The following CTNNA1 variants were observed in gnomAD, a reference collection of about 807,000 sequenced individuals.
CTNNA1 encodes the protein catenin alpha-1.
Under a neutral mutation model 98.4 loss-of-function variants are expected in CTNNA1, and 37 were observed. The ratio of observed to expected loss-of-function variants is 0.38; its 90% CI spans 0.29 to 0.49. CTNNA1 has a LOEUF of 0.49. Among genes scored for constraint, CTNNA1 ranks in the 20% least tolerant of loss-of-function variants. The probability of loss-of-function intolerance (pLI) is 0.95; values close to 1 mark genes in which losing one functional copy is unlikely to be tolerated. For synonymous variants in CTNNA1, 404 were observed against 413.2 expected, an observed-to-expected ratio of 0.98 and a Z score of 0.27; for missense variants, 761 against 1,147.2, an observed-to-expected ratio of 0.66 and a Z score of 4.86.
chr5:138,822,125 C>T (rs774064709), intron 5 of CTNNA1, among the ~76,000 whole-genome samples: 25 of 152,140 alleles, frequency 1.6e-4, no homozygotes, highest in Admixed American at 4.6e-4. Context: ...ATCAGAGATA[C>T]ACTGTGATAA....
rs140074577 is a variant in CTNNA1, at chr5:138,783,075, T to C, written c.106-102T>C. ...TTGTATGTTAATGTTCAGTGGAATCTCATGTGATTTTTTAAAAGAATAACT... is the reference window on the plus strand; with the variant it reads ...TTGTATGTTAATGTTCAGTGGAATCCCATGTGATTTTTTAAAAGAATAACT... On this transcript the variant is annotated intron_variant, in intron 2 of 17. Transcript: ENST00000302763. 3.3e-5 allele frequency: 28 copies of C among 860,430 alleles called. No individual in the cohort carries two copies. The African/African-American group carries it at 4.4e-4, about 14-fold the overall frequency. 53.3% of individuals were successfully genotyped at this position (860,430 alleles called of 1,614,324 possible).
chr5:138,772,132 C>T (rs143743811), intron 1 of CTNNA1, among the ~76,000 whole-genome samples: 67 of 152,300 alleles, frequency 4.4e-4, no homozygotes, highest in African/African-American at 1.6e-3. Context: ...TCTGATAGAA[C>T]TATGCTTTTA....
intron 9 of CTNNA1, among the ~76,000 whole-genome samples, chr5:138,897,280 A>G (rs1310250987): frequency 9.8e-5 from 11 of 111,710 alleles, no homozygotes; most frequent in African/African-American, 3.9e-4. Flanking sequence ...GCTGTTACCT[A>G]TACCTCACAC....
intron 1 of CTNNA1, among the ~76,000 whole-genome samples, chr5:138,756,085 C>T (rs1441539844): frequency 2.6e-5 from 4 of 151,668 alleles, no homozygotes; most frequent in African/African-American, 9.7e-5. Context: ...GTCTCCCAGG[C>T]TGGAGTGCAG....
intron 3 of CTNNA1, among the ~76,000 whole-genome samples, chr5:138,792,645 G>A (rs968375805): frequency 6.6e-6 from 1 of 152,182 alleles, no homozygotes; most frequent in East Asian, 1.9e-4. Flanking sequence ...GATCTGGTTA[G>A]TGTGGTTTTA....
chr5:138,791,557 C>T (rs1168566613), intron 3 of CTNNA1, among the ~76,000 whole-genome samples: 3 of 121,364 alleles, frequency 2.5e-5, no homozygotes, highest in African/African-American at 9.5e-5. Context: ...GCAGAGGTTG[C>T]AGTGAGCTGA....
intron 4 of CTNNA1, among the ~76,000 whole-genome samples, chr5:138,811,040 C>G (rs1295236783): frequency 6.7e-6 from 1 of 150,280 alleles, no homozygotes; most frequent in East Asian, 2.0e-4. Flanking sequence ...CCCTCCCGGA[C>G]GGGGTGGCTG....
intron 7 of CTNNA1, among the ~76,000 whole-genome samples, chr5:138,859,549 T>C (rs1764069228): frequency 6.6e-6 from 1 of 152,246 alleles, no homozygotes; most frequent in South Asian, 2.1e-4. Context: ...TTAATTGTTC[T>C]GCATCCCCCA....
chr5:138,911,445 A>T (rs1031038755), intron 10 of CTNNA1, among the ~76,000 whole-genome samples: 1 of 151,054 alleles, frequency 6.6e-6, no homozygotes, highest in Non-Finnish European at 1.5e-5. Context: ...ATTATCCTAG[A>T]TTATCCCAGT....
intron 1 of CTNNA1, among the ~76,000 whole-genome samples, chr5:138,776,036 TTTC>T (rs1356903595): frequency 5.0e-5 from 6 of 118,848 alleles, no homozygotes; most frequent in Non-Finnish European, 1.0e-4. Context: ...TCTGGAAATG[TTTC>T]TTTTTTTTTT....
At chr5:138,854,349 A>C (rs1485953094) in intron 7 of CTNNA1, among the ~76,000 whole-genome samples, 1 of 152,212 alleles carries the variant, frequency 6.6e-6, no homozygotes, top group African/African-American at 2.4e-5. Context: ...TTGACAAGAA[A>C]TGAGCTAAAT....
At chr5:138,931,069 C>A in intron 16 of CTNNA1, 134 bp downstream of exon 16, 2 of 650,192 alleles carry the variant, frequency 3.1e-6, no homozygotes, top group Non-Finnish European at 5.7e-6. Flanking sequence ...TCTTATTAAT[C>A]CCAGCATAGA....
chr5:138,932,844 C>T, intron 17 of CTNNA1, 132 bp downstream of exon 17: 1 of 1,166,066 alleles, frequency 8.6e-7, no homozygotes, highest in Non-Finnish European at 1.3e-6. Flanking sequence ...AGTCCTGTCC[C>T]AGTCTCTGGA....
In CTNNA1 at chr5:138,812,336, T is replaced by C. The variant is rs368565822; in HGVS notation, c.588+34T>C. On this transcript the variant is annotated intron_variant, in intron 5 of 17. Transcript: ENST00000302763. ...ATGATTTGGGGATATATTAAAGTTG[T>C]TCATTTTACTATCTAGAGGGAAAAA... The C allele has an allele frequency of 5.0e-6, 8 of 1,594,968 alleles. No individual in the cohort carries two copies. In the African/African-American group the frequency reaches 8.1e-5, roughly 16 times the overall value.
chr5:138,792,437 G>C (rs1246134450), intron 3 of CTNNA1, among the ~76,000 whole-genome samples: 3 of 152,154 alleles, frequency 2.0e-5, no homozygotes, highest in Non-Finnish European at 4.4e-5. Context: ...ACTATAGGCA[G>C]CCTGGAAGAT....
At chr5:138,843,176 T>A (rs1429892427) in intron 7 of CTNNA1, among the ~76,000 whole-genome samples, 1 of 152,160 alleles carries the variant, frequency 6.6e-6, no homozygotes, top group East Asian at 1.9e-4. Flanking sequence ...TTAAAAACAT[T>A]CCAGCAGAAA....
intron 7 of CTNNA1, among the ~76,000 whole-genome samples, chr5:138,884,001 C>G (rs1753497707): frequency 6.6e-6 from 1 of 152,192 alleles, no homozygotes; most frequent in Admixed American, 6.5e-5. Context: ...AATAAATATT[C>G]TAGGGCCCAA....
At chr5:138,884,179 G>C (rs1753537653) in intron 7 of CTNNA1, among the ~76,000 whole-genome samples, 1 of 152,170 alleles carries the variant, frequency 6.6e-6, no homozygotes, top group African/African-American at 2.4e-5. Context: ...AGTTTGAAAG[G>C]GTTGGTGGGG....
intron 1 of CTNNA1, among the ~76,000 whole-genome samples, chr5:138,775,009 AAAAATGAAAGTCTTTTTTTGAG>A (rs1241343242): frequency 1.3e-5 from 2 of 152,230 alleles, no homozygotes; most frequent in Non-Finnish European, 2.9e-5. Context: ...TGTTCAAGAA[AAAAATGAAAGTCTTTTTTTGAG>A]AAAGTGAAAT....
Sources: gnomAD v4.1 joint callset for allele counts (sites outside exome capture counted in the v4.1 genomes callset) on GRCh38, gnomAD v4.1.1 for gene constraint, MANE v1.5 for transcripts, NCBI Gene and HGNC (gene_info 2026-07-23, HGNC 2026-07-21) for gene names.